The following HTT variants were observed in gnomAD, a reference collection of about 807,000 sequenced individuals.
HTT encodes the protein huntington disease protein.
In HTT, 104 loss-of-function variants were observed where a neutral mutation model predicts 362.3. That is an observed-to-expected ratio of 0.29 (90% CI 0.24 to 0.34). The LOEUF (loss-of-function observed/expected upper bound fraction) is 0.34. Among genes scored for constraint, HTT ranks in the 10% least tolerant of loss-of-function variants. The probability of loss-of-function intolerance (pLI) is 1.00; values close to 1 mark genes in which losing one functional copy is unlikely to be tolerated. For synonymous variants in HTT, 1,577 were observed against 1,548.7 expected (o/e 1.02, Z -0.43); for missense variants, 3,301 against 3,928.6 (o/e 0.84, Z 4.27).
chr4:3,189,284 A>C (rs1718909535), intron 40 of HTT, among the ~76,000 whole-genome samples, 191 bp downstream of exon 40: 1 of 152,252 alleles, frequency 6.6e-6, no homozygotes, highest in African/African-American at 2.4e-5. Context: ...GTATATACCC[A>C]AAAGAATGGA....
intron 45 of HTT, 46 bp from the exon 46 acceptor site, chr4:3,208,727 A>G: frequency 6.5e-7 from 1 of 1,537,814 alleles, no homozygotes; most frequent in Non-Finnish European, 8.7e-7. Flanking sequence ...ACTAAAAAAA[A>G]AAAAAAACAA....
rs1721777416 is a variant in HTT at position 3,240,994 on chromosome 4, T to A, written c.*935T>A. ...CCAGTCAGGGACAGCAGCCTCCCTG[T>A]CACTCAGCTGAGAAGGCCAGCCCTC... On this transcript the variant is annotated 3_prime_UTR_variant, in exon 67 of 67. Coordinates refer to ENST00000355072, the MANE Select transcript of HTT (RefSeq NM_001388492.1). 6.6e-6 allele frequency: 1 copy of A among 152,400 alleles called. No individual in the cohort carries two copies. The highest frequency in any genetic ancestry group is 6.5e-5 in the Admixed American group (1 of 15,288). 9.4% of individuals were successfully genotyped at this position (152,400 alleles called of 1,614,324 possible).
intron 42 of HTT, 112 bp downstream of exon 42, chr4:3,204,260 C>A: frequency 2.0e-6 from 2 of 993,886 alleles, no homozygotes; most frequent in Non-Finnish European, 1.5e-6. Context: ...CGGTGTCCTG[C>A]CAAGCTCCAT....
intron 29 of HTT, among the ~76,000 whole-genome samples, chr4:3,165,058 A>T (rs886259080): frequency 6.6e-6 from 1 of 152,120 alleles, no homozygotes; most frequent in African/African-American, 2.4e-5. Context: ...AGTGGCTGGT[A>T]CTGGTTGTTC....
intron 21 of HTT, among the ~76,000 whole-genome samples, chr4:3,137,871 A>G (rs1328905757): frequency 2.0e-5 from 3 of 152,216 alleles, no homozygotes; most frequent in African/African-American, 7.2e-5. Context: ...GAATAATACC[A>G]TATTTTATCT....
rs780647264 is a variant in HTT, at chr4:3,180,497, A to T, written c.4613-18A>T. 1.9e-6 allele frequency: 3 copies of T among 1,562,500 alleles called. No individual in the cohort carries two copies. The South Asian group carries it at 3.6e-5, about 19-fold the overall frequency. ...TTTCCATGAAATGCCTGATAAGGGT[A>T]CCCTTTTGTCCCCACAGCCATACCG... On this transcript the variant is annotated intron_variant, in intron 35 of 66. Transcript: ENST00000355072.
intron 28 of HTT, among the ~76,000 whole-genome samples, chr4:3,158,107 C>T (rs924349727): frequency 3.3e-5 from 5 of 151,658 alleles, no homozygotes; most frequent in African/African-American, 9.7e-5. Context: ...ACCTCAGCTC[C>T]TGAGTACCTG....
At chr4:3,077,366 A>T (rs912552587) in intron 1 of HTT, among the ~76,000 whole-genome samples, 2 of 152,108 alleles carry the variant, frequency 1.3e-5, no homozygotes, top group Non-Finnish European at 2.9e-5. Context: ...TAACCTGTTC[A>T]TATTGTAAGA....
chr4:3,107,336 C>T lies in HTT; in HGVS notation c.660C>T (p.Pro220=), dbSNP rs374267492. The change falls in exon 6 of 67, where the codon CCC becomes CCT. Residue 220 remains proline (P), a synonymous_variant. Transcript: ENST00000355072. ...LPCLTRTSKR[P]EESVQETLAA... Reference sequence around the variant, plus strand: ...GCCTGACTCGAACAAGCAAGAGACCCGAAGAATCAGTCCAGGAGACCTTGG... The same window carrying T: ...GCCTGACTCGAACAAGCAAGAGACCTGAAGAATCAGTCCAGGAGACCTTGG... 3.3e-4 allele frequency: 530 copies of T among 1,614,154 alleles called. No individual in the cohort carries two copies. Among genetic ancestry groups the T allele is most frequent in the Non-Finnish European group, 4.1e-4 (484 of 1,180,000 alleles).
chr4:3,113,912 G>T (rs1025312807), intron 6 of HTT, among the ~76,000 whole-genome samples: 1 of 152,054 alleles, frequency 6.6e-6, no homozygotes, highest in Non-Finnish European at 1.5e-5. Flanking sequence ...CAGCTCAGTC[G>T]GGGAGACCCT....
intron 9 of HTT, chr4:3,121,836 C>T (rs1255322443): frequency 1.3e-5 from 2 of 155,848 alleles, no homozygotes; most frequent in East Asian, 3.8e-4. Flanking sequence ...TGCACTGAGC[C>T]TGGTGACAGA....
chr4:3,148,074 A>C lies in HTT; in HGVS notation c.3365A>C (p.Gln1122Pro). The change falls in exon 26 of 67, where the codon CAA becomes CCA. Residue 1122 changes from glutamine (Q) to proline (P), a missense_variant. Coordinates refer to ENST00000355072, the MANE Select transcript of HTT (RefSeq NM_001388492.1). ...EEEANPAATK[Q>P]EEVWPALGDR... Reference sequence around the variant, plus strand: ...GAAGCCAACCCAGCAGCCACCAAGCAAGAGGAGGTCTGGCCAGCCCTGGGG... The same window carrying C: ...GAAGCCAACCCAGCAGCCACCAAGCCAGAGGAGGTCTGGCCAGCCCTGGGG... 1 of 1,614,180 alleles carries C rather than the reference A, an allele frequency of 6.2e-7. No individual in the cohort carries two copies. The highest frequency in any genetic ancestry group is 8.5e-7 in the Non-Finnish European group (1 of 1,180,024).
Position 3,228,600 on chromosome 4 carries a change from C to T in HTT, c.7849-15C>T. 1 of 1,548,052 alleles carries T rather than the reference C, an allele frequency of 6.5e-7. No individual in the cohort carries two copies. Among genetic ancestry groups the T allele is most frequent in the Non-Finnish European group, 8.7e-7 (1 of 1,147,490 alleles). The stretch of plus-strand genomic sequence containing the variant: ...TGTGGCCGCAGCACTGAGCAGTGCC[C>T]CGTTTCTGTGGCAGGTGTCCATACA... On this transcript the variant is annotated splice_polypyrimidine_tract_variant and intron_variant, in intron 57 of 66. Coordinates refer to ENST00000355072, the MANE Select transcript of HTT (RefSeq NM_001388492.1). The surrounding 1 kb of genome is among the most constrained non-coding windows in gnomAD (Gnocchi z 4.3).
At chr4:3,078,786 G>C (rs1456128915) in intron 1 of HTT, among the ~76,000 whole-genome samples, 3 of 150,482 alleles carry the variant, frequency 2.0e-5, no homozygotes, top group Non-Finnish European at 3.0e-5. Context: ...CCAGGCTGGA[G>C]TGCAGTGGCG....
At chr4:3,147,472 G>A (rs549051398) in intron 25 of HTT, among the ~76,000 whole-genome samples, 1 of 152,142 alleles carries the variant, frequency 6.6e-6, no homozygotes, top group Admixed American at 6.5e-5. Flanking sequence ...CATTGAAATT[G>A]ATTTTGGGAG....
intron 45 of HTT, 77 bp from the exon 46 acceptor site, chr4:3,208,696 G>T: frequency 2.2e-6 from 3 of 1,334,214 alleles, no homozygotes; most frequent in Non-Finnish European, 2.0e-6. Context: ...TAGAATCCTA[G>T]TGTGCAGAGT....
At chr4:3,208,232 T>TA (rs765155281) in intron 45 of HTT, among the ~76,000 whole-genome samples, 2 of 152,238 alleles carry the variant, frequency 1.3e-5, no homozygotes, top group African/African-American at 2.4e-5. Context: ...GTCACTCTCA[T>TA]AGCAGATGGC....
At chr4:3,213,096 T>C (rs1720239832) in intron 49 of HTT, 2 of 205,320 alleles carry the variant, frequency 9.7e-6, no homozygotes, top group South Asian at 1.9e-4. Context: ...TGTGTACACG[T>C]TCTGGATGCA....
chr4:3,075,653 G>C (rs1440042116), intron 1 of HTT, among the ~76,000 whole-genome samples: 5 of 142,352 alleles, frequency 3.5e-5, no homozygotes, highest in African/African-American at 7.7e-5. Flanking sequence ...GGGGCAGGGG[G>C]GGGGCGGGGA....
Sources: allele counts gnomAD v4.1 joint callset (sites outside exome capture counted in the v4.1 genomes callset), GRCh38; gene constraint gnomAD v4.1.1; non-coding constraint Gnocchi (gnomAD v3.1); transcripts MANE v1.5; gene names NCBI Gene and HGNC (gene_info 2026-07-23, HGNC 2026-07-21).